The following APOA2 variants were observed in gnomAD, a reference collection of about 807,000 sequenced individuals.
APOA2 encodes apolipoprotein A-II.
In APOA2, 3 loss-of-function variants were observed where a neutral mutation model predicts 7.4. The ratio of observed to expected loss-of-function variants is 0.41; its 90% CI spans 0.18 to 1.05. The LOEUF (loss-of-function observed/expected upper bound fraction) is 1.05. Ranked by LOEUF, APOA2 falls within the 50% of genes least tolerant of loss-of-function variation. APOA2 has a pLI of 0.33. For missense variants in APOA2, 90 were observed against 116.3 expected (o/e 0.77, Z 1.04); for synonymous variants, 42 against 47.8 (o/e 0.88, Z 0.50).
intron 1 of APOA2, 55 bp from the exon 2 acceptor site, chr1:161,223,480 T>A (rs1666210128): frequency 1.4e-6 from 2 of 1,431,410 alleles, no homozygotes; most frequent in Non-Finnish European, 1.9e-6. Context: ...GGGCTTCAGC[T>A]CCTCCCCAGG....
chr1:161,223,061 AC>A lies in APOA2; in HGVS notation c.53-12del, dbSNP rs1666199581. The A allele has an allele frequency of 5.0e-6, 1 of 198,690 alleles. No individual in the cohort carries two copies. The highest frequency in any genetic ancestry group is 7.5e-5 in the African/African-American group (1 of 13,350). The allele number at this position is 198,690 out of a possible 1,614,324, so 12.3% of individuals were successfully genotyped here. ...TCCGAACCAAAGCTCCTGCCCACAC[AC>A]ACACACACACACACACACACACACA... is the stretch of plus-strand genomic sequence containing the variant. On this transcript the variant is annotated splice_polypyrimidine_tract_variant and intron_variant, in intron 2 of 3. Transcript: ENST00000367990.
In APOA2 at chr1:161,223,605, T is replaced by A. The variant is rs1435440056; in HGVS notation, c.-35A>T. On this transcript the variant is annotated 5_prime_UTR_variant, in exon 1 of 4. Coordinates refer to ENST00000367990, the MANE Select transcript of APOA2 (RefSeq NM_001643.2). ...GCCTCCTTATCTTACCTAGCCAGCG[T>A]CTCTGTCCTTGGTGTCTGTGCCTGC... 1.6e-6 allele frequency: 1 copy of A among 638,556 alleles called. No individual in the cohort carries two copies. The highest frequency in any genetic ancestry group is 2.7e-5 in the East Asian group (1 of 36,790). The allele number at this position is 638,556 out of a possible 1,614,324, so 39.6% of individuals were successfully genotyped here.
At chr1:161,223,515 C>A in intron 1 of APOA2, 80 bp downstream of exon 1, 1 of 1,053,780 alleles carries the variant, frequency 9.5e-7, no homozygotes, top group Non-Finnish European at 1.4e-6. Context: ...CTGCCCATTC[C>A]AACCTGGCTC....
At chr1:161,222,773 G>A (rs1666191953) in intron 3 of APOA2, 145 bp downstream of exon 3, 1 of 1,219,034 alleles carries the variant, frequency 8.2e-7, no homozygotes, top group Non-Finnish European at 1.2e-6. Context: ...TGGGATCTTT[G>A]GGTGATGAAA....
Position 161,223,336 on chromosome 1 carries a change from C to T in APOA2, c.52+14G>A, listed in dbSNP as rs748571625. The T allele has an allele frequency of 3.1e-6, 5 of 1,613,644 alleles. No individual in the cohort carries two copies. The East Asian group carries it at 8.9e-5, about 29-fold the overall frequency. The stretch of plus-strand genomic sequence containing the variant: ...ACATTCTCCCTTTTGGCCCCCTCTC[C>T]ATATCACACCCACCTTCAAGGCTGC... On this transcript the variant is annotated intron_variant, in intron 2 of 3. Coordinates refer to ENST00000367990, the MANE Select transcript of APOA2 (RefSeq NM_001643.2).
At position 161,223,452 on chromosome 1, in the gene APOA2, G is replaced by A. The variant is rs746747394; in HGVS notation, c.-24-27C>T. 17 of 1,589,824 alleles carry A rather than the reference G, an allele frequency of 1.1e-5. No individual in the cohort carries two copies. The South Asian group carries it at 1.9e-4, about 18-fold the overall frequency. Reference sequence around the variant, plus strand: ...TAGGAAGAGGGTGGTGGGGGTTTGGGGGACACTGAAGCCAAATGGGCTTCA... The same window carrying A: ...TAGGAAGAGGGTGGTGGGGGTTTGGAGGACACTGAAGCCAAATGGGCTTCA... On this transcript the variant is annotated intron_variant, in intron 1 of 3. Transcript: ENST00000367990.
rs1204244165 is a variant in APOA2 at position 161,222,942 on chromosome 1, C to G, written c.161G>C (p.Ser54Thr). 1 of 1,614,066 alleles carries G rather than the reference C, an allele frequency of 6.2e-7. No homozygotes were observed. The highest frequency in any genetic ancestry group is 8.5e-7 in the Non-Finnish European group (1 of 1,180,040). ...CTTGGCCTCGGCCTGAAGCTCTGGG[C>G]TCTTGACCTTCTCCATCAGGTCCTT... ...YGKDLMEKVK[S>T]PELQAEAKSY... The change falls in exon 3 of 4, where the codon AGC becomes ACC. Residue 54 changes from serine (S) to threonine (T), a missense_variant. Transcript: ENST00000367990.
intron 2 of APOA2, 93 bp downstream of exon 2, chr1:161,223,257 G>C: frequency 1.3e-6 from 2 of 1,577,408 alleles, no homozygotes; most frequent in Non-Finnish European, 1.7e-6. Context: ...GAGCCCTTTG[G>C]TTGCCAGACC....
At chr1:161,222,544 A>G in intron 3 of APOA2, 22 bp from the exon 4 acceptor site, 1 of 1,602,616 alleles carries the variant, frequency 6.2e-7, no homozygotes, top group Non-Finnish European at 8.5e-7. Context: ...AGGGGATTAG[A>G]GTTTAATCTG....
chr1:161,223,498 C>G (rs986234414), intron 1 of APOA2, 73 bp from the exon 2 acceptor site: 19 of 1,267,030 alleles, frequency 1.5e-5, no homozygotes, highest in Non-Finnish European at 2.1e-5. Context: ...AGGGATCTCC[C>G]TACCTGCTGC....
At chr1:161,223,152 A>G (rs1245774882) in intron 2 of APOA2, 102 bp from the exon 3 acceptor site, 1 of 1,590,018 alleles carries the variant, frequency 6.3e-7, no homozygotes, top group African/African-American at 1.3e-5. Context: ...CTCTGCCAGT[A>G]CCCACCCCAG....
rs373512500 is a variant in APOA2, at chr1:161,222,891, C to T, written c.185+27G>A. Reference sequence around the variant, plus strand: ...TTCTTTCTCTCCACAGTTCCACAGCCCCTGAACCCCTTGCCCTGAGACTTA... The same window carrying T: ...TTCTTTCTCTCCACAGTTCCACAGCTCCTGAACCCCTTGCCCTGAGACTTA... On this transcript the variant is annotated intron_variant, in intron 3 of 3. Coordinates refer to ENST00000367990, the MANE Select transcript of APOA2 (RefSeq NM_001643.2). 6.2e-6 allele frequency: 10 copies of T among 1,614,078 alleles called. No homozygotes were observed. In the African/African-American group the frequency reaches 1.2e-4, roughly 19 times the overall value.
intron 3 of APOA2, 117 bp from the exon 4 acceptor site, chr1:161,222,639 TC>T: frequency 9.9e-7 from 1 of 1,012,154 alleles, no homozygotes; most frequent in Non-Finnish European, 1.6e-6. Context: ...TAGTGCCTGG[TC>T]CATCGCATGG....
chr1:161,222,638 G>T (rs947332365), intron 3 of APOA2, 116 bp from the exon 4 acceptor site: 15 of 1,018,678 alleles, frequency 1.5e-5, no homozygotes, highest in Non-Finnish European at 2.0e-5. Context: ...CTAGTGCCTG[G>T]TCCATCGCAT....
chr1:161,223,240 T>C, intron 2 of APOA2, 110 bp downstream of exon 2: 1 of 1,562,970 alleles, frequency 6.4e-7, no homozygotes, highest in East Asian at 2.3e-5. Flanking sequence ...GGAATGATCT[T>C]CCTTTTGAGC....
At position 161,222,336 on chromosome 1, in the gene APOA2, G is replaced by A; in HGVS notation, c.*69C>T. On this transcript the variant is annotated 3_prime_UTR_variant, in exon 4 of 4. Coordinates refer to ENST00000367990, the MANE Select transcript of APOA2 (RefSeq NM_001643.2). Reference sequence around the variant, plus strand: ...TTGTAGCAAAGAGTGGGTAGGGACAGGAGCTCTAGGACTGGCCAGTGGGTG... The same window carrying A: ...TTGTAGCAAAGAGTGGGTAGGGACAAGAGCTCTAGGACTGGCCAGTGGGTG... 1 of 1,133,226 alleles carries A rather than the reference G, an allele frequency of 8.8e-7. No individual in the cohort carries two copies. The highest frequency in any genetic ancestry group is 1.3e-6 in the Non-Finnish European group (1 of 746,760). 70.2% of individuals were successfully genotyped at this position (1,133,226 alleles called of 1,614,324 possible). A position where few individuals can be genotyped will look rare whatever the true frequency, so the allele number is the denominator to read the frequency against.
At chr1:161,223,118 G>A (rs1162416703) in intron 2 of APOA2, 68 bp from the exon 3 acceptor site, 6 of 1,603,966 alleles carry the variant, frequency 3.7e-6, no homozygotes. Context: ...GTCCACAGCA[G>A]TGAATCCTGG....
chr1:161,223,072 C>T (rs747488020), intron 2 of APOA2, 22 bp from the exon 3 acceptor site: 23 of 1,585,458 alleles, frequency 1.5e-5, no homozygotes, highest in Middle Eastern at 1.7e-4. Context: ...CACACACACA[C>T]ACACACACAC....
chr1:161,222,640 C>T lies in APOA2; in HGVS notation c.186-118G>A, dbSNP rs1666189888. ...AGGTCCCCAAACTCTAGTGCCTGGT[C>T]CATCGCATGGCAAAGCCCCTAGGTA... On this transcript the variant is annotated intron_variant, in intron 3 of 3. Coordinates refer to ENST00000367990, the MANE Select transcript of APOA2 (RefSeq NM_001643.2). 3 of 1,007,346 alleles carry T rather than the reference C, an allele frequency of 3.0e-6. No homozygotes were observed. In the East Asian group the frequency reaches 7.1e-5, roughly 24 times the overall value. The allele number at this position is 1,007,346 out of a possible 1,614,324, so 62.4% of individuals were successfully genotyped here.
Sources: allele counts gnomAD v4.1 joint callset, GRCh38; gene constraint gnomAD v4.1.1; transcripts MANE v1.5; gene names NCBI Gene and HGNC (gene_info 2026-07-23, HGNC 2026-07-21).